CA4: variants seen among roughly 807,000 people sequenced by gnomAD.
The protein encoded by CA4 is CA-IV.
In CA4, 24 loss-of-function variants were observed where a neutral mutation model predicts 34.5. The observed-to-expected ratio is 0.70, with a 90% CI of 0.50 to 0.98. The LOEUF (loss-of-function observed/expected upper bound fraction) is 0.98. CA4 is among the 50% of genes least tolerant of loss of function. CA4 has a pLI of 0.00. For synonymous variants in CA4, 178 were observed against 170.6 expected, an observed-to-expected ratio of 1.04 and a Z score of -0.34; for missense variants, 394 against 396.7, an observed-to-expected ratio of 0.99 and a Z score of 0.06.
rs372850431 is a variant in CA4 at position 60,157,589 on chromosome 17, G to C, written c.414+17G>C. 2 of 1,614,094 alleles carry C rather than the reference G, an allele frequency of 1.2e-6. No individual in the cohort carries two copies. The highest frequency in any genetic ancestry group is 1.7e-5 in the Admixed American group (1 of 60,024). ...GCCATGGAGGTGAGGGCCCCTTCCC[G>C]ACTGGGACCTTGTCTGGGCTCTGGG... On this transcript the variant is annotated intron_variant, in intron 4 of 7. Coordinates refer to ENST00000300900, the MANE Select transcript of CA4 (RefSeq NM_000717.5).
chr17:60,155,752 C>T (rs1027661266), intron 2 of CA4, among the ~76,000 whole-genome samples: 1 of 152,104 alleles, frequency 6.6e-6, no homozygotes, highest in Non-Finnish European at 1.5e-5. Context: ...TGACCTGAGT[C>T]TTCACTGGCA....
chr17:60,157,808 C>T lies in CA4; in HGVS notation c.513+20C>T. ...GTGGAGGTGGGACTCCCATCCCCCA[C>T]TTCCCGGGGAACCCGGGGCTGAGAG... On this transcript the variant is annotated intron_variant, in intron 5 of 7. Coordinates refer to ENST00000300900, the MANE Select transcript of CA4 (RefSeq NM_000717.5). 6.3e-7 allele frequency: 1 copy of T among 1,598,530 alleles called. No homozygotes were observed. The highest frequency in any genetic ancestry group is 8.6e-7 in the Non-Finnish European group (1 of 1,165,962).
intron 1 of CA4, 78 bp from the exon 2 acceptor site, chr17:60,155,236 C>T (rs2083656331): frequency 2.2e-6 from 3 of 1,393,402 alleles, no homozygotes; most frequent in Non-Finnish European, 3.0e-6. Flanking sequence ...CAGGGGTAGG[C>T]CCAGCCTCTG....
At chr17:60,159,770 G>A (rs568680940), downstream of CA4, among the ~76,000 whole-genome samples, 41 of 152,292 alleles carry the variant, frequency 2.7e-4, no homozygotes, top group Admixed American at 8.5e-4. Flanking sequence ...GCATCTTGGA[G>A]CTTCATCACA....
downstream of CA4, among the ~76,000 whole-genome samples, chr17:60,164,237 TTTC>T: frequency 6.9e-6 from 1 of 144,168 alleles, no homozygotes; most frequent in East Asian, 2.1e-4. Context: ...TCTCTTTCTC[TTTC>T]TTTCTTCCTT....
chr17:60,169,265 C>CAAAAAAAAAA (rs1567737713), intron 5 of CA4, among the ~76,000 whole-genome samples: 33 of 139,608 alleles, frequency 2.4e-4, no homozygotes, highest in African/African-American at 9.7e-4. Context: ...AAAAAAAAAG[C>CAAAAAAAAAA]AGCAGCAGCA....
chr17:60,178,805 G>C, the CA4 span, among the ~76,000 whole-genome samples: 1 of 152,206 alleles, frequency 6.6e-6, no homozygotes, highest in African/African-American at 2.4e-5. Flanking sequence ...CAATATAATG[G>C]AATAAAACTT....
At chr17:60,172,107 C>G, downstream of CA4, among the ~76,000 whole-genome samples, 1 of 152,152 alleles carries the variant, frequency 6.6e-6, no homozygotes, top group East Asian at 1.9e-4. Flanking sequence ...AGTTTGTAAT[C>G]CCAGTGGGCA....
At chr17:60,159,050 A>G (rs900775628) in intron 7 of CA4, 180 bp from the exon 8 acceptor site, 1 of 655,304 alleles carries the variant, frequency 1.5e-6, no homozygotes, top group African/African-American at 1.8e-5. Context: ...CACCCATGCC[A>G]CGCACCTCAT....
chr17:60,169,964 G>A (rs938024511), intron 5 of CA4, among the ~76,000 whole-genome samples: 5 of 152,202 alleles, frequency 3.3e-5, no homozygotes, highest in African/African-American at 1.2e-4. Flanking sequence ...GAGGAGAGAT[G>A]AGAAAACCAG....
rs769149664 is a variant in CA4 at position 60,159,269 on chromosome 17, C to G, written c.784C>G (p.Gln262Glu). Reference sequence around the variant, plus strand: ...TCAGAAGCTGTACTACGACAAGGAACAGACAGTGAGCATGAAGGACAATGT... The same window carrying G: ...TCAGAAGCTGTACTACGACAAGGAAGAGACAGTGAGCATGAAGGACAATGT... ...FSQKLYYDKE[Q>E]TVSMKDNVRP... Residue 262 changes from glutamine to glutamate, a missense_variant, in exon 8 of 8, where the codon CAG becomes GAG. By Grantham distance (29) the Gln-to-Glu change is conservative. Transcript: ENST00000300900. 30 of 1,609,492 alleles carry G rather than the reference C, an allele frequency of 1.9e-5. No individual in the cohort carries two copies. The Admixed American group carries it at 2.0e-4, about 11-fold the overall frequency.
At chr17:60,169,298 C>A (rs555478216) in intron 5 of CA4, among the ~76,000 whole-genome samples, 1 of 151,382 alleles carries the variant, frequency 6.6e-6, no homozygotes, top group African/African-American at 2.4e-5. Flanking sequence ...ACAGCAGATT[C>A]GCAGATTCAT....
downstream of CA4, among the ~76,000 whole-genome samples, chr17:60,173,214 T>C (rs1290557507): frequency 6.6e-6 from 1 of 152,240 alleles, no homozygotes; most frequent in East Asian, 1.9e-4. Context: ...TATGTATTTA[T>C]ACAAACCATA....
At chr17:60,156,034 C>A (rs150741396) in intron 2 of CA4, among the ~76,000 whole-genome samples, 71 of 152,228 alleles carry the variant, frequency 4.7e-4, no homozygotes, top group African/African-American at 1.6e-3. Context: ...CACCAGGGTT[C>A]GGGGAACCAG....
chr17:60,176,937 T>A, the CA4 span, among the ~76,000 whole-genome samples: 1 of 152,208 alleles, frequency 6.6e-6, no homozygotes, highest in Non-Finnish European at 1.5e-5. Flanking sequence ...CCGCTGCTGA[T>A]CTAACAGAGG....
chr17:60,168,468 G>A (rs1394708878), intron 5 of CA4, among the ~76,000 whole-genome samples: 1 of 70,170 alleles, frequency 1.4e-5, no homozygotes, highest in Non-Finnish European at 2.6e-5. Flanking sequence ...TCTTTTTTTG[G>A]GGGGGCAGGT....
intron 1 of CA4, among the ~76,000 whole-genome samples, chr17:60,152,466 G>A (rs1333912844): frequency 1.3e-5 from 2 of 152,248 alleles, no homozygotes; most frequent in Admixed American, 6.5e-5. Flanking sequence ...GTGGATCACA[G>A]GTCACCACTA....
chr17:60,166,249 C>T (rs1309332647), intron 5 of CA4, among the ~76,000 whole-genome samples: 1 of 152,214 alleles, frequency 6.6e-6, no homozygotes, highest in African/African-American at 2.4e-5. Context: ...GCTGGGATTA[C>T]AGGCACCTGC....
chr17:60,176,575 A>C, the CA4 span, among the ~76,000 whole-genome samples: 2 of 152,176 alleles, frequency 1.3e-5, no homozygotes, highest in African/African-American at 4.8e-5. Context: ...AAATGACCGT[A>C]GGACCCACTG....
Sources: gnomAD v4.1 joint callset for allele counts (sites outside exome capture counted in the v4.1 genomes callset) on GRCh38, gnomAD v4.1.1 for gene constraint, MANE v1.5 for transcripts, NCBI Gene and HGNC (gene_info 2026-07-23, HGNC 2026-07-21) for gene names.